ROBO1: variants seen among roughly 807,000 people sequenced by gnomAD.
ROBO1 encodes the protein roundabout homolog 1.
ROBO1 carries 149 observed loss-of-function variants against 195.9 expected under a neutral mutation model. The observed-to-expected ratio is 0.76, with a 90% confidence interval of 0.67 to 0.87. The LOEUF is 0.87. Ranked by LOEUF, ROBO1 falls within the 40% of genes least tolerant of loss-of-function variation. ROBO1 has a pLI of 0.00. For synonymous variants in ROBO1, 816 were observed against 733.2 expected, an observed-to-expected ratio of 1.11 and a Z score of -1.82; for missense variants, 1,933 against 2,068.3, an observed-to-expected ratio of 0.93 and a Z score of 1.27.
chr3:78,933,492 T>A (rs1214852112), intron 4 of ROBO1, among the ~76,000 whole-genome samples: 1 of 152,100 alleles, frequency 6.6e-6, no homozygotes, highest in Non-Finnish European at 1.5e-5. Flanking sequence ...TATACCTCAC[T>A]TATGAAACAA....
At chr3:78,763,998 G>A (rs921270020) in intron 4 of ROBO1, among the ~76,000 whole-genome samples, 1 of 152,158 alleles carries the variant, frequency 6.6e-6, no homozygotes, top group African/African-American at 2.4e-5. Context: ...TAGTTAGATG[G>A]AGGGCTGCAA....
intron 4 of ROBO1, among the ~76,000 whole-genome samples, chr3:78,847,669 T>C (rs1384391791): frequency 6.6e-6 from 1 of 152,100 alleles, no homozygotes; most frequent in Non-Finnish European, 1.5e-5. Context: ...GTTAGGTAGG[T>C]GAGAGAGTGG....
At chr3:79,364,129 G>A (rs539114250) in intron 2 of ROBO1, among the ~76,000 whole-genome samples, 7 of 151,846 alleles carry the variant, frequency 4.6e-5, no homozygotes, top group Admixed American at 4.6e-4. Context: ...GCGTGAACCC[G>A]GGAGGCGGAG....
chr3:79,152,536 A>G (rs554171588), intron 2 of ROBO1, among the ~76,000 whole-genome samples: 23 of 151,992 alleles, frequency 1.5e-4, no homozygotes, highest in African/African-American at 5.1e-4. Context: ...GTATCTGTCA[A>G]ATGCTAGGAA....
chr3:79,185,871 C>A (rs757727874), intron 2 of ROBO1, among the ~76,000 whole-genome samples: 36 of 152,038 alleles, frequency 2.4e-4, no homozygotes, highest in Admixed American at 9.8e-4. Context: ...TAATAAAATT[C>A]TCTATATCTC....
intron 23 of ROBO1, 23 bp downstream of exon 23, chr3:78,635,750 G>C: frequency 6.3e-7 from 1 of 1,597,148 alleles, no homozygotes; most frequent in Non-Finnish European, 8.6e-7. Context: ...GAAACAGATG[G>C]GAATACATGC....
Position 78,600,320 on chromosome 3 carries a change from A to C in ROBO1, c.4745-11T>G. On this transcript the variant is annotated splice_polypyrimidine_tract_variant and intron_variant, in intron 29 of 30. Transcript: ENST00000464233. Reference sequence around the variant, plus strand: ...AAGGTAGAATATCCTCTGTGTAATGAAATATAATAAATGCAGGTGAGTACC... The same window carrying C: ...AAGGTAGAATATCCTCTGTGTAATGCAATATAATAAATGCAGGTGAGTACC... 6.5e-7 allele frequency: 1 copy of C among 1,531,766 alleles called. No individual in the cohort carries two copies. The highest frequency in any genetic ancestry group is 9.0e-7 in the Non-Finnish European group (1 of 1,106,232). The allele number at this position is 1,531,766 out of a possible 1,614,324, so 94.9% of individuals were successfully genotyped here.
At chr3:78,733,548 T>G (rs1431750496) in intron 5 of ROBO1, among the ~76,000 whole-genome samples, 1 of 152,150 alleles carries the variant, frequency 6.6e-6, no homozygotes, top group African/African-American at 2.4e-5. Context: ...GTATTGATAT[T>G]TAAATATTTT....
chr3:78,983,638 A>T (rs1005529819), intron 3 of ROBO1, among the ~76,000 whole-genome samples: 1 of 152,256 alleles, frequency 6.6e-6, no homozygotes, highest in African/African-American at 2.4e-5. Context: ...ATAGAGAATA[A>T]TACAGAAAAT....
intron 2 of ROBO1, among the ~76,000 whole-genome samples, chr3:79,357,782 C>T (rs774159183): frequency 1.3e-5 from 2 of 152,132 alleles, no homozygotes; most frequent in African/African-American, 4.8e-5. Context: ...AATTGCTAAC[C>T]TCTAGCACTA....
intron 3 of ROBO1, among the ~76,000 whole-genome samples, chr3:78,969,047 CT>C (rs1473898147): frequency 1.1e-4 from 16 of 152,142 alleles, no homozygotes; most frequent in Admixed American, 4.6e-4. Flanking sequence ...CTGAAATCAT[CT>C]GATTTTTGTG....
chr3:78,943,362 C>G (rs1267342733), intron 3 of ROBO1, among the ~76,000 whole-genome samples: 2 of 152,186 alleles, frequency 1.3e-5, no homozygotes, highest in African/African-American at 4.8e-5. Context: ...CACTCTGTCC[C>G]TGATTTGCAG....
Position 79,710,493 on chromosome 3 carries a change from T to G in ROBO1, c.-51+57259A>C, listed in dbSNP as rs369038243. 2.0e-5 allele frequency among the ~76,000 whole-genome samples: 3 copies of G among 152,172 alleles called. No individual in the cohort carries two copies. The South Asian group carries it at 6.2e-4, about 32-fold the overall frequency. ...ATCATTTTTCAGAAATGAAGTGAAA[T>G]AAAGATTTATGCAGATAAACAAAAT... On this transcript the variant is annotated intron_variant, in intron 1 of 30. Coordinates refer to ENST00000464233, the MANE Select transcript of ROBO1 (RefSeq NM_002941.4).
chr3:79,235,168 A>G (rs973504682), intron 2 of ROBO1, among the ~76,000 whole-genome samples: 5 of 152,168 alleles, frequency 3.3e-5, no homozygotes, highest in Admixed American at 2.0e-4. Flanking sequence ...ATTAGAAGAC[A>G]TGAGAAAAAT....
chr3:79,765,742 C>G (rs1375430582), intron 1 of ROBO1, among the ~76,000 whole-genome samples: 1 of 152,134 alleles, frequency 6.6e-6, no homozygotes, highest in African/African-American at 2.4e-5. Context: ...TTGTCTTCCC[C>G]CAGGTGCTCA....
intron 2 of ROBO1, among the ~76,000 whole-genome samples, chr3:79,196,378 CAA>C (rs372385205): frequency 8.4e-4 from 121 of 144,474 alleles, no homozygotes; most frequent in East Asian, 1.2e-3. Context: ...GCACACGCAC[CAA>C]GAGAGAGAGG....
At chr3:78,876,832 T>G (rs965919397) in intron 4 of ROBO1, among the ~76,000 whole-genome samples, 15 of 152,088 alleles carry the variant, frequency 9.9e-5, no homozygotes, top group African/African-American at 3.1e-4. Flanking sequence ...AATAGATACG[T>G]GAAGACTCTA....
intron 7 of ROBO1, 72 bp from the exon 8 acceptor site, chr3:78,714,596 T>C: frequency 7.2e-7 from 1 of 1,391,760 alleles, no homozygotes. Context: ...ATACACACAA[T>C]GCTTCAAAGC....
chr3:79,552,040 GA>G (rs201368854), intron 2 of ROBO1, among the ~76,000 whole-genome samples: 2,000 of 78,438 alleles, frequency 0.025, 43 homozygotes, highest in African/African-American at 0.077. Flanking sequence ...TTTGCTACAG[GA>G]AAAAAAAAAA....
Sources: gnomAD v4.1 joint callset for allele counts (sites outside exome capture counted in the v4.1 genomes callset) on GRCh38, gnomAD v4.1.1 for gene constraint, MANE v1.5 for transcripts, NCBI Gene and HGNC (gene_info 2026-07-23, HGNC 2026-07-21) for gene names.